NCAM2: variants seen among roughly 807,000 people sequenced by gnomAD.
NCAM2 encodes the protein neural cell adhesion molecule 2.
A neutral mutation model predicts 98.1 loss-of-function variants in NCAM2; 30 were observed. The observed-to-expected ratio is 0.31, with a 90% CI of 0.23 to 0.41. The LOEUF is 0.41. NCAM2 is among the 10% of genes least tolerant of loss of function. The pLI, the probability that NCAM2 is intolerant of heterozygous loss-of-function variation, is 1.00. For synonymous variants in NCAM2, 368 were observed against 342.4 expected, an observed-to-expected ratio of 1.07 and a Z score of -0.83; for missense variants, 867 against 1,005.8, an observed-to-expected ratio of 0.86 and a Z score of 1.87.
intron 9 of NCAM2, among the ~76,000 whole-genome samples, chr21:21,408,683 T>C (rs1165204649): frequency 6.6e-6 from 1 of 152,114 alleles, no homozygotes; most frequent in Non-Finnish European, 1.5e-5. Context: ...ATTGTGGGAA[T>C]GAGCTTGGCA....
intron 1 of NCAM2, among the ~76,000 whole-genome samples, chr21:21,160,209 C>T (rs2067740116): frequency 6.6e-6 from 1 of 151,744 alleles, no homozygotes; most frequent in Admixed American, 6.6e-5. Context: ...ATCATGTGGA[C>T]AAAAAGACCA....
intron 15 of NCAM2, among the ~76,000 whole-genome samples, chr21:21,496,011 A>ATC (rs1488492228): frequency 1.4e-5 from 2 of 148,082 alleles, no homozygotes; most frequent in Non-Finnish European, 3.0e-5. Flanking sequence ...TATGAAATAT[A>ATC]TATATAATAT....
intron 1 of NCAM2, among the ~76,000 whole-genome samples, chr21:21,110,521 T>C (rs1406581647): frequency 1.3e-5 from 2 of 151,710 alleles, no homozygotes; most frequent in Non-Finnish European, 2.9e-5. Flanking sequence ...CAATTTCCTC[T>C]GTGTTTAATA....
At chr21:21,288,227 T>A (rs1004614310) in intron 4 of NCAM2, among the ~76,000 whole-genome samples, 8 of 151,906 alleles carry the variant, frequency 5.3e-5, no homozygotes, top group African/African-American at 1.9e-4. Flanking sequence ...AAAAATATAT[T>A]TTTCATCAGC....
intron 1 of NCAM2, among the ~76,000 whole-genome samples, chr21:21,150,230 A>G (rs1024466977): frequency 1.3e-5 from 2 of 152,182 alleles, no homozygotes; most frequent in Non-Finnish European, 1.5e-5. Flanking sequence ...CCTTGCAAAT[A>G]TATTTACTTA....
At chr21:21,419,305 C>A in intron 11 of NCAM2, among the ~76,000 whole-genome samples, 1 of 99,930 alleles carries the variant, frequency 1.0e-5, no homozygotes, top group East Asian at 2.8e-4. Flanking sequence ...AAATAGGGAA[C>A]TTTTTTTTTT....
chr21:21,387,910 G>A (rs1189905371), intron 9 of NCAM2, among the ~76,000 whole-genome samples: 1 of 152,168 alleles, frequency 6.6e-6, no homozygotes, highest in Non-Finnish European at 1.5e-5. Context: ...AAACAGTGCA[G>A]TGAGACACAT....
chr21:21,366,458 G>A (rs1225075621), intron 8 of NCAM2, among the ~76,000 whole-genome samples: 2 of 152,008 alleles, frequency 1.3e-5, no homozygotes, highest in Non-Finnish European at 2.9e-5. Flanking sequence ...ACCAGATGTG[G>A]ATTAAAGCAA....
At chr21:21,092,478 A>G (rs570963555) in intron 1 of NCAM2, among the ~76,000 whole-genome samples, 1 of 152,142 alleles carries the variant, frequency 6.6e-6, no homozygotes, top group South Asian at 2.1e-4. Flanking sequence ...ATACACATGA[A>G]TATTTATTAG....
chr21:21,292,296 T>A, intron 5 of NCAM2, 55 bp downstream of exon 5: 1 of 1,546,206 alleles, frequency 6.5e-7, no homozygotes, highest in Non-Finnish European at 8.8e-7. Flanking sequence ...CAATGTTTTT[T>A]ATTAAATGGC....
intron 15 of NCAM2, among the ~76,000 whole-genome samples, chr21:21,497,031 TA>T (rs1265488063): frequency 2.0e-5 from 3 of 151,840 alleles, no homozygotes; most frequent in African/African-American, 4.8e-5. Flanking sequence ...TACACAGCCA[TA>T]AAAAAAATGA....
At chr21:21,439,081 G>A (rs1978837748) in intron 12 of NCAM2, among the ~76,000 whole-genome samples, 1 of 150,678 alleles carries the variant, frequency 6.6e-6, no homozygotes, top group African/African-American at 2.4e-5. Flanking sequence ...ACAAGATACT[G>A]TCTCTAAAAA....
At chr21:21,309,951 G>A (rs1048272126) in intron 5 of NCAM2, among the ~76,000 whole-genome samples, 1 of 152,214 alleles carries the variant, frequency 6.6e-6, no homozygotes, top group South Asian at 2.1e-4. Context: ...GCTGTTTCAG[G>A]TGCTAAGATA....
At chr21:21,389,471 T>C (rs889249448) in intron 9 of NCAM2, among the ~76,000 whole-genome samples, 14 of 152,330 alleles carry the variant, frequency 9.2e-5, no homozygotes, top group African/African-American at 3.1e-4. Flanking sequence ...TTTTGACATA[T>C]ACAGTAAGTT....
intron 12 of NCAM2, among the ~76,000 whole-genome samples, chr21:21,433,084 A>G (rs34952748): frequency 0.12 from 17,578 of 152,220 alleles, 1,320 homozygotes; most frequent in Middle Eastern, 0.2. Flanking sequence ...TCTAGTGAAC[A>G]TAGAGAGAAA....
intron 1 of NCAM2, among the ~76,000 whole-genome samples, chr21:21,207,112 G>A (rs2147060080): frequency 6.6e-6 from 1 of 152,244 alleles, no homozygotes; most frequent in South Asian, 2.1e-4. Flanking sequence ...AACATAAAAT[G>A]GAGATGTAGT....
intron 8 of NCAM2, among the ~76,000 whole-genome samples, chr21:21,363,586 A>G (rs1173931589): frequency 6.6e-6 from 1 of 152,216 alleles, no homozygotes; most frequent in Admixed American, 6.5e-5. Context: ...CTTACCTTTA[A>G]TGAAAATATC....
At position 21,389,676 on chromosome 21, in the gene NCAM2, A is replaced by G. The variant is rs74335847; in HGVS notation, c.1195+15663A>G. 4.9e-3 allele frequency among the ~76,000 whole-genome samples: 739 copies of G among 152,168 alleles called. 5 individuals carry two copies. The highest frequency in any genetic ancestry group is 0.015 in the African/African-American group (633 of 41,512). ...TCAGCTCCCAAATATAAGTGAGAAC[A>G]TTGTCTTTTACCGCCTGACTTATTT... On this transcript the variant is annotated intron_variant, in intron 9 of 17. Transcript: ENST00000400546.
intron 1 of NCAM2, among the ~76,000 whole-genome samples, chr21:21,009,885 G>C (rs1188789259): frequency 9.0e-6 from 1 of 111,382 alleles, no homozygotes; most frequent in African/African-American, 3.1e-5. Context: ...TCTGATAGCT[G>C]TGTGTGTGTG....
Sources: allele counts gnomAD v4.1 joint callset (sites outside exome capture counted in the v4.1 genomes callset), GRCh38; gene constraint gnomAD v4.1.1; transcripts MANE v1.5; gene names NCBI Gene and HGNC (gene_info 2026-07-23, HGNC 2026-07-21).